The following MCTP2 variants were observed in gnomAD, a reference collection of about 807,000 sequenced individuals.
MCTP2 encodes multiple C2 and transmembrane domain-containing protein 2.
A neutral mutation model predicts 111.6 loss-of-function variants in MCTP2; 132 were observed. The observed-to-expected ratio is 1.18, with a 90% confidence interval of 1.03 to 1.37. The LOEUF is 1.37. Ranked by LOEUF, MCTP2 falls within the 40% of genes most tolerant of loss-of-function variation. The pLI is 0.00. For missense variants in MCTP2, 1,183 were observed against 1,067.9 expected (o/e 1.11, Z -1.50); for synonymous variants, 395 against 387.7 (o/e 1.02, Z -0.22).
intron 20 of MCTP2, among the ~76,000 whole-genome samples, chr15:94,465,707 G>A (rs984157051): frequency 6.6e-6 from 1 of 151,938 alleles, no homozygotes; most frequent in Non-Finnish European, 1.5e-5. Context: ...TGATGCTTAC[G>A]ATTGCATTTA....
At chr15:94,443,023 C>T in intron 19 of MCTP2, 63 bp downstream of exon 19, 1 of 1,361,824 alleles carries the variant, frequency 7.3e-7, no homozygotes, top group Non-Finnish European at 1.0e-6. Context: ...GATAGCATTC[C>T]TTCAGGTTGA....
At chr15:94,428,524 C>T (rs2082999534) in intron 17 of MCTP2, among the ~76,000 whole-genome samples, 2 of 151,892 alleles carry the variant, frequency 1.3e-5, no homozygotes, top group South Asian at 4.2e-4. Context: ...AGGGGGGCTT[C>T]CTATATTAAT....
intron 9 of MCTP2, 56 bp downstream of exon 9, chr15:94,356,357 A>C (rs3784658): frequency 0.21 from 296,973 of 1,426,458 alleles, 32,038 homozygotes; most frequent in East Asian, 0.31. Flanking sequence ...AAAAAAATTA[A>C]AAATTGTTTC....
intron 17 of MCTP2, among the ~76,000 whole-genome samples, chr15:94,417,235 C>T (rs1217255614): frequency 6.6e-6 from 1 of 152,096 alleles, no homozygotes; most frequent in Non-Finnish European, 1.5e-5. Context: ...TCACTGTGTG[C>T]TTAACAGGAT....
At chr15:94,321,163 T>C (rs1032942362) in intron 4 of MCTP2, among the ~76,000 whole-genome samples, 2 of 151,576 alleles carry the variant, frequency 1.3e-5, no homozygotes, top group Admixed American at 1.3e-4. Context: ...CTGGGAAGGG[T>C]GGGAATGGGG....
intron 17 of MCTP2, among the ~76,000 whole-genome samples, chr15:94,436,656 T>C (rs2083492954): frequency 1.3e-5 from 2 of 152,162 alleles, no homozygotes; most frequent in Non-Finnish European, 2.9e-5. Flanking sequence ...TTAATACTGG[T>C]GGTTGTTCAA....
At chr15:94,310,599 G>A (rs2076079167) in intron 2 of MCTP2, among the ~76,000 whole-genome samples, 1 of 151,950 alleles carries the variant, frequency 6.6e-6, no homozygotes, top group Admixed American at 6.6e-5. Flanking sequence ...GACCAGCCTG[G>A]GCTGGTGTGC....
intron 1 of MCTP2, among the ~76,000 whole-genome samples, chr15:94,234,932 T>A (rs1235202405): frequency 6.6e-6 from 1 of 152,070 alleles, no homozygotes; most frequent in Non-Finnish European, 1.5e-5. Context: ...AGGAGGGTCA[T>A]TCTAAGTGAG....
intron 14 of MCTP2, among the ~76,000 whole-genome samples, chr15:94,390,421 C>T (rs2152462384): frequency 6.6e-6 from 1 of 152,132 alleles, no homozygotes; most frequent in Non-Finnish European, 1.5e-5. Context: ...TAAAACATGT[C>T]AGGCAGTAGA....
At chr15:94,418,844 T>C (rs1171282362) in intron 17 of MCTP2, among the ~76,000 whole-genome samples, 1 of 152,024 alleles carries the variant, frequency 6.6e-6, no homozygotes, top group African/African-American at 2.4e-5. Context: ...AGCCTTCTTT[T>C]CCCCCTGTTT....
chr15:94,327,595 T>C (rs992579302), intron 4 of MCTP2, among the ~76,000 whole-genome samples: 4 of 152,192 alleles, frequency 2.6e-5, no homozygotes, highest in Non-Finnish European at 1.5e-5. Context: ...ATCAGAAAAA[T>C]TGTTGTTCAA....
At chr15:94,453,496 A>T (rs1390280297) in intron 19 of MCTP2, among the ~76,000 whole-genome samples, 3 of 152,222 alleles carry the variant, frequency 2.0e-5, no homozygotes, top group Non-Finnish European at 4.4e-5. Flanking sequence ...CAAACTGCCT[A>T]TTCAGAATGG....
chr15:94,404,140 C>A (rs762048291), intron 17 of MCTP2, among the ~76,000 whole-genome samples: 25 of 152,042 alleles, frequency 1.6e-4, no homozygotes, highest in South Asian at 2.1e-4. Flanking sequence ...TGGATAATTC[C>A]CCTCCCTAAG....
chr15:94,310,837 G>C (rs2152354548), intron 2 of MCTP2, among the ~76,000 whole-genome samples: 1 of 151,740 alleles, frequency 6.6e-6, no homozygotes, highest in Non-Finnish European at 1.5e-5. Context: ...CTACTCAGGA[G>C]GCCGAGGCAG....
chr15:94,245,263 T>C (rs1178213568), intron 1 of MCTP2, among the ~76,000 whole-genome samples: 3 of 142,528 alleles, frequency 2.1e-5, no homozygotes, highest in African/African-American at 7.6e-5. Flanking sequence ...TATATATACA[T>C]ATGTGTATAT....
At chr15:94,262,814 C>T (rs1195125184) in intron 1 of MCTP2, among the ~76,000 whole-genome samples, 1 of 151,916 alleles carries the variant, frequency 6.6e-6, no homozygotes, top group African/African-American at 2.4e-5. Flanking sequence ...GGGATTACAG[C>T]CACCTACCAC....
intron 2 of MCTP2, among the ~76,000 whole-genome samples, chr15:94,313,886 C>T (rs995569619): frequency 2.0e-5 from 3 of 152,180 alleles, no homozygotes; most frequent in African/African-American, 7.2e-5. Context: ...CGGACATGCT[C>T]GATTCTCTGG....
chr15:94,421,802 C>T (rs1385242403), intron 17 of MCTP2, among the ~76,000 whole-genome samples: 1 of 152,166 alleles, frequency 6.6e-6, no homozygotes, highest in Non-Finnish European at 1.5e-5. Context: ...GCTTCATCTG[C>T]AACCTTAACT....
chr15:94,381,793 G>A (rs2080153078), intron 12 of MCTP2, among the ~76,000 whole-genome samples: 2 of 152,204 alleles, frequency 1.3e-5, no homozygotes, highest in South Asian at 2.1e-4. Context: ...AGGAAATGGT[G>A]TTGTTCTATG....
Sources: allele counts gnomAD v4.1 joint callset (sites outside exome capture counted in the v4.1 genomes callset), GRCh38; gene constraint gnomAD v4.1.1; transcripts MANE v1.5; gene names NCBI Gene and HGNC (gene_info 2026-07-23, HGNC 2026-07-21).